POU6F2: variants seen among roughly 807,000 people sequenced by gnomAD.
POU6F2 encodes the protein POU class 6 homeobox 2.
POU6F2 carries 31 observed loss-of-function variants against 71.3 expected under a neutral mutation model. The ratio of observed to expected loss-of-function variants is 0.43; its 90% CI spans 0.33 to 0.59. The LOEUF is 0.59. Among genes scored for constraint, POU6F2 ranks in the 20% least tolerant of loss-of-function variants. The probability of loss-of-function intolerance (pLI) is 0.04; values close to 1 mark genes in which losing one functional copy is unlikely to be tolerated. For missense variants in POU6F2, 783 were observed against 856.8 expected, an observed-to-expected ratio of 0.91 and a Z score of 1.07; for synonymous variants, 347 against 355.7, an observed-to-expected ratio of 0.98 and a Z score of 0.27.
rs547577321 is a variant in POU6F2 at position 39,006,613 on chromosome 7, C to T, written c.105+28555C>T. 498 of 506,922 alleles carry T rather than the reference C, an allele frequency of 9.8e-4. 1 individual carries two copies. The highest frequency in any genetic ancestry group is 1.0e-3 in the Middle Eastern group (3 of 2,874). The allele number at this position is 506,922 out of a possible 1,614,324, so 31.4% of individuals were successfully genotyped here. A position where few individuals can be genotyped will look rare whatever the true frequency, so the allele number is the denominator to read the frequency against. On this transcript the variant is annotated intron_variant, in intron 1 of 9. Coordinates refer to ENST00000518318, the MANE Select transcript of POU6F2 (RefSeq NM_001370959.1). Reference sequence around the variant, plus strand: ...CTTCTTATTTTCCCATGTAGCTCCACGGAAGATCTGTGGCTAAGTCAGAGT... The same window carrying T: ...CTTCTTATTTTCCCATGTAGCTCCATGGAAGATCTGTGGCTAAGTCAGAGT...
Position 38,988,663 on chromosome 7 carries a change from T to G in POU6F2, c.105+10605T>G, listed in dbSNP as rs143566426. Reference sequence around the variant, plus strand: ...GTGCCAGGCACTTTGCTGGTATAATTTAATCCTCACGCCAGGTCTGTAAGG... The same window carrying G: ...GTGCCAGGCACTTTGCTGGTATAATGTAATCCTCACGCCAGGTCTGTAAGG... On this transcript the variant is annotated intron_variant, in intron 1 of 9. Coordinates refer to ENST00000518318, the MANE Select transcript of POU6F2 (RefSeq NM_001370959.1). Among the ~76,000 whole-genome samples the G allele has an allele frequency of 8.0e-4, 122 of 152,268 alleles. No individual in the cohort carries two copies. The East Asian group carries it at 0.012, about 15-fold the overall frequency.
At chr7:39,247,810 C>G (rs1159855578) in intron 4 of POU6F2, among the ~76,000 whole-genome samples, 1 of 152,286 alleles carries the variant, frequency 6.6e-6, no homozygotes, top group South Asian at 2.1e-4. Context: ...AGTTAATGGT[C>G]AACTGTAACA....
At chr7:39,065,046 A>C (rs1481163427) in intron 1 of POU6F2, among the ~76,000 whole-genome samples, 1 of 151,814 alleles carries the variant, frequency 6.6e-6, no homozygotes, top group Non-Finnish European at 1.5e-5. Flanking sequence ...TAAAGAATTA[A>C]AACCATAATT....
At chr7:39,189,160 T>C (rs10263259) in intron 2 of POU6F2, among the ~76,000 whole-genome samples, 46,221 of 151,896 alleles carry the variant, frequency 0.3, 7,443 homozygotes, top group East Asian at 0.71. Flanking sequence ...TTTCATAGAA[T>C]ATCAACATCA....
At chr7:39,185,807 ATGTATATG>A (rs1484658334) in intron 2 of POU6F2, among the ~76,000 whole-genome samples, 1 of 22,058 alleles carries the variant, frequency 4.5e-5, no homozygotes, top group African/African-American at 3.7e-4. Context: ...ACATATATAT[ATGTATATG>A]TATATGTATA....
intron 4 of POU6F2, among the ~76,000 whole-genome samples, chr7:39,240,879 A>C (rs763939718): frequency 5.9e-5 from 9 of 152,160 alleles, no homozygotes; most frequent in Non-Finnish European, 1.3e-4. Context: ...CTCATCTCAT[A>C]TGTTAAGAAT....
chr7:39,244,842 C>A (rs368195193), intron 4 of POU6F2, among the ~76,000 whole-genome samples: 16 of 152,058 alleles, frequency 1.1e-4, no homozygotes. Context: ...CACAGCTGCC[C>A]CTTACCCAGA....
At chr7:39,304,951 G>A (rs1231451642) in intron 4 of POU6F2, among the ~76,000 whole-genome samples, 2 of 152,210 alleles carry the variant, frequency 1.3e-5, no homozygotes, top group Admixed American at 6.5e-5. Flanking sequence ...AGTTAAGTAA[G>A]GTATGTTAGA....
At chr7:39,168,971 T>C (rs1292195078) in intron 2 of POU6F2, among the ~76,000 whole-genome samples, 2 of 152,220 alleles carry the variant, frequency 1.3e-5, no homozygotes, top group Non-Finnish European at 2.9e-5. Context: ...ATGCAGTGCC[T>C]TTCTGTTTCC....
intron 4 of POU6F2, among the ~76,000 whole-genome samples, chr7:39,302,851 T>C (rs1173548240): frequency 6.6e-6 from 1 of 152,244 alleles, no homozygotes; most frequent in Admixed American, 6.5e-5. Context: ...TGACTGAACG[T>C]CAGAGACCTA....
Position 39,382,948 on chromosome 7 carries a change from A to G in POU6F2, c.973-23652A>G, listed in dbSNP as rs374337828. Among the ~76,000 whole-genome samples, 27 of 152,208 alleles carry G rather than the reference A, an allele frequency of 1.8e-4. No homozygotes were observed. In the East Asian group the frequency reaches 2.1e-3, roughly 12 times the overall value. On this transcript the variant is annotated intron_variant, in intron 5 of 9. Coordinates refer to ENST00000518318, the MANE Select transcript of POU6F2 (RefSeq NM_001370959.1). ...ATTTCATTAAGTATAGGAAGGCACAAAAAATTATTGGTGTGGAAAGGTAAT... is the reference window on the plus strand; with the variant it reads ...ATTTCATTAAGTATAGGAAGGCACAGAAAATTATTGGTGTGGAAAGGTAAT...
At chr7:39,165,341 T>C (rs1182701538) in intron 2 of POU6F2, among the ~76,000 whole-genome samples, 5 of 152,120 alleles carry the variant, frequency 3.3e-5, no homozygotes, top group African/African-American at 7.2e-5. Context: ...CCACTAAAAT[T>C]TGAAACGTTG....
chr7:39,125,664 C>T (rs1265708449), intron 2 of POU6F2, among the ~76,000 whole-genome samples: 1 of 152,018 alleles, frequency 6.6e-6, no homozygotes, highest in Non-Finnish European at 1.5e-5. Flanking sequence ...AAAGAAAGCC[C>T]ATTTTTGCAT....
At chr7:39,203,132 T>C (rs1793941042) in intron 2 of POU6F2, among the ~76,000 whole-genome samples, 1 of 152,234 alleles carries the variant, frequency 6.6e-6, no homozygotes, top group Non-Finnish European at 1.5e-5. Flanking sequence ...ATTTCCATTA[T>C]TTATAAGTCT....
chr7:39,430,275 T>C (rs1788069418), intron 6 of POU6F2, among the ~76,000 whole-genome samples: 1 of 152,190 alleles, frequency 6.6e-6, no homozygotes. Flanking sequence ...AAATAAGAAA[T>C]GCATAGTGCC....
At chr7:39,375,817 G>A (rs114026911) in intron 5 of POU6F2, among the ~76,000 whole-genome samples, 1 of 152,106 alleles carries the variant, frequency 6.6e-6, no homozygotes, top group Non-Finnish European at 1.5e-5. Context: ...GCAGTCAATA[G>A]CAGGAGATGC....
At chr7:39,158,352 A>T (rs1172574288) in intron 2 of POU6F2, among the ~76,000 whole-genome samples, 2 of 152,194 alleles carry the variant, frequency 1.3e-5, no homozygotes, top group Non-Finnish European at 2.9e-5. Context: ...TCTAGACATG[A>T]TTGGGAAATG....
chr7:39,032,524 C>T (rs1207002437), intron 1 of POU6F2, among the ~76,000 whole-genome samples: 3 of 152,160 alleles, frequency 2.0e-5, no homozygotes, highest in Non-Finnish European at 4.4e-5. Flanking sequence ...TCTTGTTTCC[C>T]TTTTTTGCCC....
chr7:39,260,448 T>C (rs1784112883), intron 4 of POU6F2, among the ~76,000 whole-genome samples: 1 of 143,148 alleles, frequency 7.0e-6, no homozygotes, highest in African/African-American at 2.6e-5. Context: ...CCCATACACA[T>C]ACATACCACA....
Sources: gnomAD v4.1 joint callset for allele counts (sites outside exome capture counted in the v4.1 genomes callset) on GRCh38, gnomAD v4.1.1 for gene constraint, MANE v1.5 for transcripts, NCBI Gene and HGNC (gene_info 2026-07-23, HGNC 2026-07-21) for gene names.